EML5: variants seen among roughly 807,000 people sequenced by gnomAD.
EML5 encodes echinoderm microtubule-associated protein-like 5.
Under a neutral mutation model 250.0 loss-of-function variants are expected in EML5, and 120 were observed. The observed-to-expected ratio is 0.48, with a 90% CI of 0.41 to 0.56. The LOEUF (loss-of-function observed/expected upper bound fraction) is 0.56, where lower values mean the gene tolerates loss of function less well. EML5 is among the 20% of genes least tolerant of loss of function. The probability of loss-of-function intolerance (pLI) is 0.00; values close to 1 mark genes in which losing one functional copy is unlikely to be tolerated. For synonymous variants in EML5, 771 were observed against 806.5 expected (o/e 0.96, Z 0.75); for missense variants, 2,006 against 2,437.6 (o/e 0.82, Z 3.73).
intron 31 of EML5, among the ~76,000 whole-genome samples, chr14:88,640,208 GA>G (rs2090982893): frequency 6.6e-6 from 1 of 152,090 alleles, no homozygotes; most frequent in South Asian, 2.1e-4. Flanking sequence ...TGACCAATTG[GA>G]CATAACAGAA....
At chr14:88,712,689 ATACT>A (rs2093425939) in intron 9 of EML5, among the ~76,000 whole-genome samples, 2 of 152,236 alleles carry the variant, frequency 1.3e-5, no homozygotes, top group Admixed American at 6.5e-5. Flanking sequence ...TACAGAAATT[ATACT>A]GATTCAGAGA....
intron 34 of EML5, 63 bp downstream of exon 34, chr14:88,627,583 C>T: frequency 6.8e-7 from 1 of 1,481,078 alleles, no homozygotes; most frequent in Non-Finnish European, 9.1e-7. Context: ...ATATTAAATA[C>T]AGAATTCCTA....
intron 21 of EML5, among the ~76,000 whole-genome samples, chr14:88,669,145 C>A (rs902677409): frequency 8.5e-5 from 13 of 152,166 alleles, no homozygotes; most frequent in Admixed American, 1.3e-4. Flanking sequence ...GGAAACCACA[C>A]TTTTTCCATG....
chr14:88,756,452 G>C (rs1035352478), intron 1 of EML5, among the ~76,000 whole-genome samples: 1 of 152,100 alleles, frequency 6.6e-6, no homozygotes, highest in African/African-American at 2.4e-5. Context: ...AAAAAACAAG[G>C]ATGTCAGTTC....
chr14:88,713,842 T>C (rs1180959270), intron 9 of EML5, among the ~76,000 whole-genome samples: 1 of 44,198 alleles, frequency 2.3e-5, no homozygotes, highest in Non-Finnish European at 9.0e-5. Context: ...GTTTATTTGT[T>C]TTTTTTTTTT....
At chr14:88,670,375 C>T (rs1208173355) in intron 21 of EML5, among the ~76,000 whole-genome samples, 1 of 148,020 alleles carries the variant, frequency 6.8e-6, no homozygotes, top group Non-Finnish European at 1.5e-5. Flanking sequence ...ACAAAAGCAT[C>T]AACAAAAAAA....
At chr14:88,765,484 T>C (rs746109841) in intron 1 of EML5, among the ~76,000 whole-genome samples, 48 of 152,308 alleles carry the variant, frequency 3.2e-4, no homozygotes, top group Non-Finnish European at 1.6e-4. Flanking sequence ...TCTCAAGCTT[T>C]GAATCTTTCT....
intron 1 of EML5, among the ~76,000 whole-genome samples, chr14:88,791,822 A>C (rs1001228613): frequency 6.6e-6 from 1 of 152,182 alleles, no homozygotes; most frequent in Non-Finnish European, 1.5e-5. Context: ...AATTACGGCC[A>C]GGAGGTGAGA....
chr14:88,646,387 T>C (rs1256811670), intron 29 of EML5, among the ~76,000 whole-genome samples: 4 of 152,180 alleles, frequency 2.6e-5, no homozygotes, highest in Non-Finnish European at 4.4e-5. Context: ...ACCTTCTTCA[T>C]ATACTTTTTT....
At chr14:88,657,275 A>G in intron 27 of EML5, 101 bp downstream of exon 27, 3 of 1,160,460 alleles carry the variant, frequency 2.6e-6, no homozygotes, top group Non-Finnish European at 2.4e-6. Context: ...TAGCAAGAAT[A>G]TCACTGTTAC....
At chr14:88,786,508 G>A (rs2094552716) in intron 1 of EML5, among the ~76,000 whole-genome samples, 1 of 152,130 alleles carries the variant, frequency 6.6e-6, no homozygotes, top group Non-Finnish European at 1.5e-5. Context: ...TGTCCTAAAT[G>A]CCACTTAAGA....
intron 33 of EML5, among the ~76,000 whole-genome samples, chr14:88,632,615 C>T (rs1029010108): frequency 3.9e-5 from 6 of 152,130 alleles, no homozygotes; most frequent in Non-Finnish European, 4.4e-5. Context: ...TTGCAGGGTA[C>T]CAAAAAGCAG....
chr14:88,624,934 A>G (rs755141186), intron 36 of EML5, 36 bp downstream of exon 36: 3 of 1,607,924 alleles, frequency 1.9e-6, no homozygotes, highest in East Asian at 2.2e-5. Flanking sequence ...TAGGTCACAA[A>G]TGCATAAATA....
At chr14:88,657,621 A>G in intron 26 of EML5, 119 bp from the exon 27 acceptor site, 1 of 917,888 alleles carries the variant, frequency 1.1e-6, no homozygotes, top group East Asian at 3.0e-5. Context: ...TAAGCAAATT[A>G]TGAAGTAATA....
At chr14:88,704,122 G>T (rs1312073044) in intron 13 of EML5, among the ~76,000 whole-genome samples, 4 of 152,086 alleles carry the variant, frequency 2.6e-5, no homozygotes, top group Admixed American at 6.6e-5. Flanking sequence ...AGGCCTGGTG[G>T]GAAGTGTTTG....
At chr14:88,745,432 A>C (rs992001461) in intron 3 of EML5, among the ~76,000 whole-genome samples, 8 of 152,148 alleles carry the variant, frequency 5.3e-5, no homozygotes, top group Non-Finnish European at 1.0e-4. Flanking sequence ...TATAATATTT[A>C]ATTAAAAGCT....
At chr14:88,625,149 G>A in intron 35 of EML5, 22 bp from the exon 36 acceptor site, 1 of 1,611,426 alleles carries the variant, frequency 6.2e-7, no homozygotes, top group East Asian at 2.2e-5. Flanking sequence ...TGGGGGAGGG[G>A]GAGACAAACT....
chr14:88,651,494 A>G (rs2091624267), intron 27 of EML5, among the ~76,000 whole-genome samples: 1 of 151,962 alleles, frequency 6.6e-6, no homozygotes, highest in African/African-American at 2.4e-5. Flanking sequence ...GAAGCAGACT[A>G]CAGATTAAAA....
intron 17 of EML5, among the ~76,000 whole-genome samples, chr14:88,693,955 T>G (rs904530611): frequency 2.0e-5 from 3 of 148,574 alleles, no homozygotes; most frequent in African/African-American, 5.0e-5. Context: ...TTTTTTTTTG[T>G]AGAGACAGGG....
Sources: gnomAD v4.1 joint callset for allele counts (sites outside exome capture counted in the v4.1 genomes callset) on GRCh38, gnomAD v4.1.1 for gene constraint, MANE v1.5 for transcripts, NCBI Gene and HGNC (gene_info 2026-07-23, HGNC 2026-07-21) for gene names.